The following RARB variants were observed in gnomAD, a reference collection of about 807,000 sequenced individuals.
RARB encodes the protein HBV-activated protein.
Under a neutral mutation model 51.9 loss-of-function variants are expected in RARB, and 17 were observed. That is an observed-to-expected ratio of 0.33 (90% CI 0.22 to 0.49). The LOEUF (loss-of-function observed/expected upper bound fraction) is 0.49. Among genes scored for constraint, RARB ranks in the 20% least tolerant of loss-of-function variants. The pLI is 0.99. For missense variants in RARB, 369 were observed against 550.8 expected, an observed-to-expected ratio of 0.67 and a Z score of 3.30; for synonymous variants, 215 against 195.4, an observed-to-expected ratio of 1.10 and a Z score of -0.84.
intron 5 of RARB, among the ~76,000 whole-genome samples, chr3:25,258,142 T>C (rs977559037): frequency 3.9e-5 from 6 of 152,066 alleles, no homozygotes; most frequent in Non-Finnish European, 8.8e-5. Flanking sequence ...GTAGAAAGGA[T>C]TGGGGCATCA....
At chr3:25,448,469 T>G (rs963940600) in intron 1 of RARB, among the ~76,000 whole-genome samples, 1 of 152,202 alleles carries the variant, frequency 6.6e-6, no homozygotes, top group Non-Finnish European at 1.5e-5. Flanking sequence ...GAATCTTTTC[T>G]TTCTTTTTGT....
rs556821338 is a variant in RARB at position 25,077,875 on chromosome 3, T to C, written c.-328+17699T>C. 2.6e-5 allele frequency among the ~76,000 whole-genome samples: 4 copies of C among 152,334 alleles called. No individual in the cohort carries two copies. The South Asian group carries it at 8.3e-4, about 32-fold the overall frequency. On this transcript the variant is annotated intron_variant, in intron 3 of 11. Coordinates refer to the RARB transcript ENST00000383772. ...GCATTATTGTGATTCTTCGTAATTGTAGCCATGTTTTTGGTATAAAGCAGT... is the reference window on the plus strand; with the variant it reads ...GCATTATTGTGATTCTTCGTAATTGCAGCCATGTTTTTGGTATAAAGCAGT...
chr3:25,567,067 G>A (rs960608073), intron 3 of RARB, among the ~76,000 whole-genome samples: 9 of 152,322 alleles, frequency 5.9e-5, no homozygotes, highest in Admixed American at 3.9e-4. Flanking sequence ...CTCAGCTTCA[G>A]AATCGACTCA....
At chr3:25,220,975 A>G (rs968734060) in intron 5 of RARB, among the ~76,000 whole-genome samples, 2 of 151,460 alleles carry the variant, frequency 1.3e-5, no homozygotes, top group African/African-American at 4.8e-5. Flanking sequence ...TATGTATGAC[A>G]TTTTTCTTTT....
At chr3:25,437,426 C>T (rs969076315) in intron 1 of RARB, among the ~76,000 whole-genome samples, 11 of 152,156 alleles carry the variant, frequency 7.2e-5, no homozygotes, top group Admixed American at 6.5e-5. Flanking sequence ...GCAAATGGCT[C>T]TTGGGTGTCT....
intron 2 of RARB, among the ~76,000 whole-genome samples, chr3:24,935,228 A>G (rs1559402488): frequency 6.6e-6 from 1 of 152,286 alleles, no homozygotes; most frequent in East Asian, 1.9e-4. Context: ...GTTTAGGTAT[A>G]GAACAAAGGC....
At position 25,271,425 on chromosome 3, in the gene RARB, C is replaced by T. The variant is rs530478459; in HGVS notation, c.178+96850C>T. ...TACACAAGAGTATTTGTTTCTTGAGCTGAAAGAAGTGACCAGAAAATTTAG... is the reference window on the plus strand; with the variant it reads ...TACACAAGAGTATTTGTTTCTTGAGTTGAAAGAAGTGACCAGAAAATTTAG... On this transcript the variant is annotated intron_variant, in intron 5 of 11. Transcript: ENST00000383772. Among the ~76,000 whole-genome samples, 9 of 152,260 alleles carry T rather than the reference C, an allele frequency of 5.9e-5. No homozygotes were observed. In the South Asian group the frequency reaches 1.9e-3, roughly 32 times the overall value.
At chr3:25,176,965 T>C (rs912522098) in intron 5 of RARB, among the ~76,000 whole-genome samples, 8 of 152,210 alleles carry the variant, frequency 5.3e-5, no homozygotes, top group African/African-American at 1.9e-4. Flanking sequence ...AAATAGTGGC[T>C]GACTTTTTTC....
chr3:24,922,818 A>G (rs1020805086), intron 2 of RARB, among the ~76,000 whole-genome samples: 2 of 152,152 alleles, frequency 1.3e-5, no homozygotes, highest in African/African-American at 4.8e-5. Flanking sequence ...TCTGCCAAAC[A>G]TCTCTCTCTG....
At chr3:25,259,090 A>G (rs1702936609) in intron 5 of RARB, 1 of 984,540 alleles carries the variant, frequency 1.0e-6, no homozygotes, top group South Asian at 4.7e-5. Context: ...TACAGCAACC[A>G]AAGAACTGTC....
chr3:25,136,791 AG>A (rs1639108001), intron 4 of RARB, among the ~76,000 whole-genome samples: 1 of 151,956 alleles, frequency 6.6e-6, no homozygotes, highest in South Asian at 2.1e-4. Context: ...AGGCCTTAGA[AG>A]AACCATCCTT....
intron 2 of RARB, among the ~76,000 whole-genome samples, chr3:24,915,252 G>C (rs1695082850): frequency 6.6e-6 from 1 of 152,166 alleles, no homozygotes. Context: ...AGTCAAACAT[G>C]TAACATAGTT....
intron 5 of RARB, among the ~76,000 whole-genome samples, chr3:25,582,697 T>C (rs144489402): frequency 2.0e-5 from 3 of 152,170 alleles, no homozygotes; most frequent in Non-Finnish European, 4.4e-5. Context: ...TCTTCCCACA[T>C]CTCAGCTTAC....
intron 2 of RARB, among the ~76,000 whole-genome samples, chr3:25,043,440 G>A (rs560785571): frequency 3.9e-4 from 59 of 152,330 alleles, no homozygotes; most frequent in Admixed American, 1.2e-3. Flanking sequence ...AATGGTCAGA[G>A]GGGATGTGAA....
intron 3 of RARB, among the ~76,000 whole-genome samples, chr3:25,111,008 G>T (rs1052908109): frequency 5.3e-5 from 8 of 152,156 alleles, no homozygotes; most frequent in African/African-American, 1.9e-4. Context: ...TGGGAATAGG[G>T]AGATATTTCT....
chr3:25,564,356 T>G (rs1443068690), intron 3 of RARB, among the ~76,000 whole-genome samples: 1 of 152,240 alleles, frequency 6.6e-6, no homozygotes, highest in Non-Finnish European at 1.5e-5. Context: ...GGAGCACCTT[T>G]CATCCAAGAA....
At chr3:24,959,873 T>G (rs1008780782) in intron 2 of RARB, among the ~76,000 whole-genome samples, 2 of 152,244 alleles carry the variant, frequency 1.3e-5, no homozygotes, top group Non-Finnish European at 2.9e-5. Context: ...ACAAGAACCC[T>G]AGAAAATTGA....
At chr3:25,182,361 G>A (rs945255249) in intron 5 of RARB, among the ~76,000 whole-genome samples, 1 of 152,180 alleles carries the variant, frequency 6.6e-6, no homozygotes. Context: ...GGGGTACTGG[G>A]CATGGTGCTG....
chr3:25,329,720 C>A (rs1237784485), intron 5 of RARB, among the ~76,000 whole-genome samples: 1 of 152,102 alleles, frequency 6.6e-6, no homozygotes, highest in Non-Finnish European at 1.5e-5. Flanking sequence ...CTCCTCCAAG[C>A]TAAAGGAGGA....
Sources: allele counts gnomAD v4.1 joint callset (sites outside exome capture counted in the v4.1 genomes callset), GRCh38; gene constraint gnomAD v4.1.1; transcripts MANE v1.5; gene names NCBI Gene and HGNC (gene_info 2026-07-23, HGNC 2026-07-21).